TNIP2: variants seen among roughly 807,000 people sequenced by gnomAD.
TNIP2 encodes TNFAIP3-interacting protein 2.
In TNIP2, 30 loss-of-function variants were observed where a neutral mutation model predicts 43.7. That is an observed-to-expected ratio of 0.69 (90% confidence interval 0.51 to 0.93). The LOEUF is 0.93. Among genes scored for constraint, TNIP2 ranks in the 40% least tolerant of loss-of-function variants. The pLI, the probability that TNIP2 is intolerant of heterozygous loss-of-function variation, is 0.00. For missense variants in TNIP2, 599 were observed against 591.0 expected, an observed-to-expected ratio of 1.01 and a Z score of -0.14; for synonymous variants, 260 against 254.6, an observed-to-expected ratio of 1.02 and a Z score of -0.20.
Position 2,744,790 on chromosome 4 carries a change from T to A in TNIP2, c.813A>T (p.Lys271Asn), listed in dbSNP as rs1197018480. 6.2e-7 allele frequency: 1 copy of A among 1,612,778 alleles called. No homozygotes were observed. The highest frequency in any genetic ancestry group is 1.3e-5 in the African/African-American group (1 of 74,950). Residue 271 changes from lysine (K) to asparagine (N), a missense_variant, in exon 4 of 6, where the codon AAA becomes AAT. By Grantham distance (94) the Lys-to-Asn change is moderately conservative. Transcript: ENST00000315423. The surrounding 1 kb of genome is among the most constrained non-coding windows in gnomAD (Gnocchi z 5.1). ...GCTTCACTTCGGCACAGTCATTTAT[T>A]TTCTCTTCCAACTGTCTGTTGAGCC... ...ISRLNRQLEE[K>N]INDCAEVKQE...
chr4:2,745,351 C>CG (rs979110520), intron 3 of TNIP2, 95 bp downstream of exon 3: 6 of 938,496 alleles, frequency 6.4e-6, no homozygotes, highest in South Asian at 1.5e-5. Flanking sequence ...GGCCAGAGGG[C>CG]GGGGGGCGAC....
Position 2,744,302 on chromosome 4 carries a change from G to A in TNIP2, c.1026+85C>T. Reference sequence around the variant, plus strand: ...TCATCACCAGCAAATCAGGGCCTTGGCAGACACAGAAAGGCTCTAATCTCA... The same window carrying A: ...TCATCACCAGCAAATCAGGGCCTTGACAGACACAGAAAGGCTCTAATCTCA... On this transcript the variant is annotated intron_variant, in intron 5 of 5. Coordinates refer to ENST00000315423, the MANE Select transcript of TNIP2 (RefSeq NM_024309.4). This position sits in a 1 kb window ranked among gnomAD's most constrained non-coding sequence, Gnocchi z 5.1. 2 of 1,553,254 alleles carry A rather than the reference G, an allele frequency of 1.3e-6. No individual in the cohort carries two copies. The highest frequency in any genetic ancestry group is 2.3e-5 in the South Asian group (2 of 86,494).
chr4:2,753,164 C>A (rs925940183), intron 1 of TNIP2, among the ~76,000 whole-genome samples: 1 of 152,192 alleles, frequency 6.6e-6, no homozygotes, highest in South Asian at 2.1e-4. Flanking sequence ...CCATGCTGGG[C>A]GTGGTGGCTC....
intron 1 of TNIP2, among the ~76,000 whole-genome samples, chr4:2,751,949 CA>C (rs1216935808): frequency 2.7e-5 from 4 of 150,000 alleles, no homozygotes; most frequent in Non-Finnish European, 5.9e-5. Flanking sequence ...ACTAAAGATA[CA>C]AAAAATTAGC....
intron 1 of TNIP2, among the ~76,000 whole-genome samples, chr4:2,750,397 G>GATGATT (rs752280612): frequency 6.9e-6 from 1 of 145,642 alleles, no homozygotes; most frequent in Non-Finnish European, 1.5e-5. Flanking sequence ...CGAGAACCCT[G>GATGATT]ATTATTATTA....
rs1402346841 is a variant in TNIP2, at chr4:2,755,263, GAACA to G, written c.276+747_276+750del. ...TCAAAACACCCCTAAGAACCAACCG[GAACA>G]TACACACTACACAATACACACAGAA... On this transcript the variant is annotated intron_variant, in intron 1 of 5. Coordinates refer to ENST00000315423, the MANE Select transcript of TNIP2 (RefSeq NM_024309.4). 2.6e-5 allele frequency among the ~76,000 whole-genome samples: 4 copies of G among 151,584 alleles called. No homozygotes were observed. In the South Asian group the frequency reaches 8.4e-4, roughly 32 times the overall value.
At chr4:2,755,955 C>A in intron 1 of TNIP2, 59 bp downstream of exon 1, 1 of 1,471,392 alleles carries the variant, frequency 6.8e-7, no homozygotes, top group Non-Finnish European at 8.9e-7. Context: ...CCACCCAGGA[C>A]CCGGCGGCCG....
In TNIP2 at chr4:2,747,910, T is replaced by A; in HGVS notation, c.312A>T (p.Lys104Asn). 1 of 1,613,394 alleles carries A rather than the reference T, an allele frequency of 6.2e-7. No homozygotes were observed. Among genetic ancestry groups the A allele is most frequent in the Non-Finnish European group, 8.5e-7 (1 of 1,179,976 alleles). ...TCAGCAGCTGCTGCATCTCCCTCTC[T>A]TTTTCTTCTAGTCGCTCAGTCAGCC... ...IERLTERLEE[K>N]EREMQQLLSQ... is the part of the protein sequence containing the mutation. Residue 104 changes from lysine (K) to asparagine (N), a missense_variant, in exon 2 of 6, where the codon AAA becomes AAT. By Grantham distance (94) the Lys-to-Asn change is moderately conservative. Transcript: ENST00000315423.
chr4:2,755,672 C>A (rs1180975916), intron 1 of TNIP2, among the ~76,000 whole-genome samples: 3 of 137,136 alleles, frequency 2.2e-5, no homozygotes, highest in Admixed American at 7.1e-5. Flanking sequence ...CCCTCACCCC[C>A]CAGAAGCTGT....
In TNIP2 at chr4:2,756,246, C is replaced by T. The variant is rs140197906; in HGVS notation, c.44G>A (p.Arg15His). Residue 15 changes from arginine to histidine, a missense_variant, in exon 1 of 6, where the codon CGC (arginine) becomes CAC (histidine). By Grantham distance (29) the Arg-to-His change is conservative. Transcript: ENST00000315423. ...CAGGGTGCAGAGCGCGGCAGCTGCGCGCGGGGCCTCCTCCCAGCCGCCCGA... is the reference window on the plus strand; with the variant it reads ...CAGGGTGCAGAGCGCGGCAGCTGCGTGCGGGGCCTCCTCCCAGCCGCCCGA... ...PGSGGWEEAP[R>H]AAAALCTLYH... 1.4e-6 allele frequency: 2 copies of T among 1,447,920 alleles called. No homozygotes were observed. The highest frequency in any genetic ancestry group is 1.8e-6 in the Non-Finnish European group (2 of 1,105,512). The allele number at this position is 1,447,920 out of a possible 1,614,324, so 89.7% of individuals were successfully genotyped here.
chr4:2,751,305 A>G (rs1460193358), intron 1 of TNIP2, among the ~76,000 whole-genome samples: 1 of 152,232 alleles, frequency 6.6e-6, no homozygotes, highest in Non-Finnish European at 1.5e-5. Context: ...CTAGTCAGCA[A>G]CTGGGCTGAC....
In TNIP2 at chr4:2,745,446, G is replaced by A. The variant is rs758835523; in HGVS notation, c.657C>T (p.His219=). The change falls in exon 3 of 6, where the codon CAC becomes CAT. Residue 219 remains histidine, a splice_region_variant and synonymous_variant. Coordinates refer to ENST00000315423, the MANE Select transcript of TNIP2 (RefSeq NM_024309.4). ...CAAACGAAATGTGAAAGACACTCACGTGAGTCACCTTCTGTTTTAACAGTC... is the reference window on the plus strand; with the variant it reads ...CAAACGAAATGTGAAAGACACTCACATGAGTCACCTTCTGTTTTAACAGTC... ...ENRLLKQKVT[H]VEDLNAKWQR... 4.4e-6 allele frequency: 7 copies of A among 1,607,790 alleles called. No individual in the cohort carries two copies. The highest frequency in any genetic ancestry group is 1.7e-5 in the Admixed American group (1 of 59,886).
At position 2,745,527 on chromosome 4, in the gene TNIP2, G is replaced by A; in HGVS notation, c.576C>T (p.His192=). ...VGERSPDQSE[H]TDGHTSVQSV... Reference sequence around the variant, plus strand: ...TCTGGACAGAGGTGTGCCCATCTGTGTGTTCCGACTGCATGAGGAAGGGAC... The same window carrying A: ...TCTGGACAGAGGTGTGCCCATCTGTATGTTCCGACTGCATGAGGAAGGGAC... The change falls in exon 3 of 6, where the codon CAC becomes CAT. Residue 192 remains histidine (H), a synonymous_variant. Transcript: ENST00000315423. 1.2e-6 allele frequency: 2 copies of A among 1,613,138 alleles called. No individual in the cohort carries two copies. Among genetic ancestry groups the A allele is most frequent in the Non-Finnish European group, 1.7e-6 (2 of 1,179,210 alleles).
In TNIP2 at chr4:2,756,130, C is replaced by T; in HGVS notation, c.160G>A (p.Ala54Thr). 1.4e-6 allele frequency: 2 copies of T among 1,474,016 alleles called. No homozygotes were observed. The highest frequency in any genetic ancestry group is 1.3e-5 in the South Asian group (1 of 77,610). The allele number at this position is 1,474,016 out of a possible 1,614,324, so 91.3% of individuals were successfully genotyped here. The change falls in exon 1 of 6, where the codon GCG becomes ACG. Residue 54 changes from alanine to threonine, a missense_variant. Transcript: ENST00000315423. Reference protein sequence around the residue: ...LIARLRARLAALEGDAAPSLV... With the variant: ...LIARLRARLATLEGDAAPSLV... ...GACGGCGCGGCGTCCCCCTCCAGCGCGGCCAGGCGGGCGCGGAGGCGAGCG... is the reference window on the plus strand; with the variant it reads ...GACGGCGCGGCGTCCCCCTCCAGCGTGGCCAGGCGGGCGCGGAGGCGAGCG...
rs774927464 is a variant in TNIP2, at chr4:2,745,439, C to T, written c.657+7G>A. On this transcript the variant is annotated splice_region_variant and intron_variant, in intron 3 of 5. Coordinates refer to ENST00000315423, the MANE Select transcript of TNIP2 (RefSeq NM_024309.4). Reference sequence around the variant, plus strand: ...TTCTTCTCAAACGAAATGTGAAAGACACTCACGTGAGTCACCTTCTGTTTT... The same window carrying T: ...TTCTTCTCAAACGAAATGTGAAAGATACTCACGTGAGTCACCTTCTGTTTT... 3.0e-5 allele frequency: 48 copies of T among 1,600,544 alleles called. No homozygotes were observed. The highest frequency in any genetic ancestry group is 3.8e-5 in the Non-Finnish European group (44 of 1,168,596).
rs1721881236 is a variant in TNIP2 at position 2,744,449 on chromosome 4, T to G, written c.964A>C (p.Ser322Arg). 3.1e-6 allele frequency: 5 copies of G among 1,614,218 alleles called. No homozygotes were observed. Among genetic ancestry groups the G allele is most frequent in the Non-Finnish European group, 4.2e-6 (5 of 1,180,032 alleles). The change falls in exon 5 of 6, where the codon AGT becomes CGT. Residue 322 changes from serine to arginine, a missense_variant. By Grantham distance (110) the Ser-to-Arg change is moderately radical (BLOSUM62 -1). Coordinates refer to ENST00000315423, the MANE Select transcript of TNIP2 (RefSeq NM_024309.4). The surrounding 1 kb of genome is among the most constrained non-coding windows in gnomAD (Gnocchi z 5.1). The stretch of plus-strand genomic sequence containing the variant: ...TTTTCCTCCAGTTCTTGAATCCTAC[T>G]TTGAGCCCGTTCCCGATCGGCCCTT... ...SERADRERAQSRIQELEEKVA... is the reference protein window; with the variant it reads ...SERADRERAQRRIQELEEKVA...
intron 1 of TNIP2, among the ~76,000 whole-genome samples, chr4:2,750,908 GCT>G (rs1241644757): frequency 1.3e-5 from 2 of 152,122 alleles, no homozygotes; most frequent in Non-Finnish European, 2.9e-5. Context: ...TGAGGGCGTG[GCT>G]CTCTCTTGCC....
intron 1 of TNIP2, among the ~76,000 whole-genome samples, chr4:2,749,656 C>G (rs935549719): frequency 6.6e-6 from 1 of 152,188 alleles, no homozygotes; most frequent in South Asian, 2.1e-4. Context: ...GAGAGAGAGC[C>G]GATGCCTTGG....
At chr4:2,748,765 A>G (rs1722023094) in intron 1 of TNIP2, among the ~76,000 whole-genome samples, 1 of 149,626 alleles carries the variant, frequency 6.7e-6, no homozygotes, top group African/African-American at 2.5e-5. Context: ...AAGTACTGGG[A>G]TTATAGGCGT....
Sources: gnomAD v4.1 joint callset for allele counts (sites outside exome capture counted in the v4.1 genomes callset) on GRCh38, gnomAD v4.1.1 for gene constraint, Gnocchi (gnomAD v3.1) non-coding constraint, MANE v1.5 for transcripts, NCBI Gene and HGNC (gene_info 2026-07-23, HGNC 2026-07-21) for gene names.